The following MTPN variants were observed in gnomAD, a reference collection of about 807,000 sequenced individuals.
The protein encoded by MTPN is myotrophin.
MTPN carries 2 observed loss-of-function variants against 13.5 expected under a neutral mutation model. The ratio of observed to expected loss-of-function variants is 0.15; its 90% confidence interval spans 0.06 to 0.47. The LOEUF (loss-of-function observed/expected upper bound fraction) is 0.47, where lower values mean the gene tolerates loss of function less well. MTPN is among the 20% of genes least tolerant of loss of function. The pLI is 0.97. For synonymous variants in MTPN, 46 were observed against 51.7 expected (o/e 0.89, Z 0.48); for missense variants, 79 against 137.9 (o/e 0.57, Z 2.14).
chr7:135,957,568 GAGGAGA>G (rs1562934226), intron 1 of MTPN, among the ~76,000 whole-genome samples: 1 of 152,132 alleles, frequency 6.6e-6, no homozygotes, highest in East Asian at 1.9e-4. Context: ...TTCCATGTCA[GAGGAGA>G]ACCTAATTAT....
In MTPN at chr7:135,929,773, TGGTAGTCGGA is replaced by T; in HGVS notation, c.*143_*152del. 2.8e-6 allele frequency: 2 copies of T among 723,550 alleles called. No homozygotes were observed. Among genetic ancestry groups the T allele is most frequent in the South Asian group, 1.9e-5 (1 of 53,884 alleles). 44.8% of individuals were successfully genotyped at this position (723,550 alleles called of 1,614,324 possible). The stretch of plus-strand genomic sequence containing the variant: ...CTCCTCCAAAACAATTTTTTTTTTC[TGGTAGTCGGA>T]TTTGTTATGAATTTCTCTCTCCCCT... On this transcript the variant is annotated 3_prime_UTR_variant, in exon 4 of 4. Coordinates refer to ENST00000393085, the MANE Select transcript of MTPN (RefSeq NM_145808.4).
In MTPN at chr7:135,929,870, A is replaced by G. The variant is rs563407495; in HGVS notation, c.*56T>C. The G allele has an allele frequency of 1.3e-6, 2 of 1,509,468 alleles. No homozygotes were observed. The highest frequency in any genetic ancestry group is 4.5e-5 in the East Asian group (2 of 44,368). 93.5% of individuals were successfully genotyped at this position (1,509,468 alleles called of 1,614,324 possible). On this transcript the variant is annotated 3_prime_UTR_variant, in exon 4 of 4. Transcript: ENST00000393085. ...GATAGAGAGTGACAGACAGACAGGC[A>G]GCAGTGTGAGGCCACAGGAGAGTCA...
At chr7:135,935,494 C>T (rs1025972493) in intron 3 of MTPN, among the ~76,000 whole-genome samples, 1 of 152,162 alleles carries the variant, frequency 6.6e-6, no homozygotes, top group Admixed American at 6.6e-5. Flanking sequence ...CCCACCTTAG[C>T]GTCCCAAAAT....
At chr7:135,935,972 C>T (rs924705222) in intron 3 of MTPN, among the ~76,000 whole-genome samples, 2 of 151,614 alleles carry the variant, frequency 1.3e-5, no homozygotes, top group African/African-American at 4.9e-5. Flanking sequence ...ACACACTATC[C>T]CCTTAACTTC....
intron 3 of MTPN, among the ~76,000 whole-genome samples, chr7:135,937,126 G>C (rs1392370964): frequency 2.0e-5 from 3 of 152,044 alleles, no homozygotes; most frequent in Non-Finnish European, 4.4e-5. Flanking sequence ...TGTAAAAATA[G>C]GCCAAGAAAA....
intron 3 of MTPN, 84 bp downstream of exon 3, chr7:135,950,515 C>A: frequency 8.8e-7 from 1 of 1,138,342 alleles, no homozygotes; most frequent in Non-Finnish European, 1.3e-6. Context: ...CCTGCTGCCA[C>A]ACAAAATTCA....
Position 135,927,268 on chromosome 7 carries a change from C to G in MTPN, c.*2658G>C. ...CCTACTACCTCTCTTCCATGCTTAA[C>G]TGGGTTTAGAAAGGTGAGCTATGCG... On this transcript the variant is annotated 3_prime_UTR_variant, in exon 4 of 4. Coordinates refer to ENST00000393085, the MANE Select transcript of MTPN (RefSeq NM_145808.4). 1.3e-6 allele frequency: 2 copies of G among 1,537,754 alleles called. No homozygotes were observed. Among genetic ancestry groups the G allele is most frequent in the Non-Finnish European group, 1.8e-6 (2 of 1,140,164 alleles).
chr7:135,934,338 A>G (rs1386919873), intron 3 of MTPN, among the ~76,000 whole-genome samples: 1 of 152,146 alleles, frequency 6.6e-6, no homozygotes, highest in Non-Finnish European at 1.5e-5. Flanking sequence ...TTGATCTCCC[A>G]TGGGTACACT....
At chr7:135,966,361 A>G (rs1441649139) in intron 1 of MTPN, among the ~76,000 whole-genome samples, 4 of 152,054 alleles carry the variant, frequency 2.6e-5, no homozygotes. Context: ...AGTACCAGTT[A>G]TTTACCCTCA....
At chr7:135,966,209 C>T (rs1253458781) in intron 1 of MTPN, among the ~76,000 whole-genome samples, 1 of 152,106 alleles carries the variant, frequency 6.6e-6, no homozygotes, top group South Asian at 2.1e-4. Context: ...TGTTCCTCTA[C>T]TTATGATTGG....
chr7:135,959,441 G>A (rs1000770163), intron 1 of MTPN, among the ~76,000 whole-genome samples: 7 of 152,226 alleles, frequency 4.6e-5, no homozygotes, highest in African/African-American at 1.4e-4. Context: ...CATTCCCTAT[G>A]CCTGGCTTTG....
In MTPN at chr7:135,929,902, C is replaced by T. The variant is rs1311582686; in HGVS notation, c.*24G>A. ...TGAGGCCACAGGAGAGTCATTCTTC[C>T]GGAGTTATCAGTCCATCCATCCATC... On this transcript the variant is annotated 3_prime_UTR_variant, in exon 4 of 4. Transcript: ENST00000393085. 1.1e-5 allele frequency: 17 copies of T among 1,610,502 alleles called. No individual in the cohort carries two copies. Among genetic ancestry groups the T allele is most frequent in the East Asian group, 4.5e-5 (2 of 44,864 alleles).
At chr7:135,968,321 A>C (rs1584820659) in intron 1 of MTPN, among the ~76,000 whole-genome samples, 2 of 152,160 alleles carry the variant, frequency 1.3e-5, no homozygotes, top group Admixed American at 1.3e-4. Flanking sequence ...GGCCTCTGAA[A>C]CTTTAAGGTA....
At chr7:135,952,754 G>T (rs1799382622) in intron 1 of MTPN, among the ~76,000 whole-genome samples, 1 of 152,122 alleles carries the variant, frequency 6.6e-6, no homozygotes, top group African/African-American at 2.4e-5. Context: ...TTGAGCCTAG[G>T]AGTTCAAGAC....
At chr7:135,971,715 A>T (rs541344038) in intron 1 of MTPN, among the ~76,000 whole-genome samples, 1 of 152,348 alleles carries the variant, frequency 6.6e-6, no homozygotes, top group Admixed American at 6.5e-5. Context: ...ACTGCATCAC[A>T]ATCCTCAAAT....
intron 3 of MTPN, among the ~76,000 whole-genome samples, chr7:135,943,864 A>G (rs1799248678): frequency 6.6e-6 from 1 of 152,250 alleles, no homozygotes; most frequent in Non-Finnish European, 1.5e-5. Context: ...AAATATCACT[A>G]GTAACAAAAT....
chr7:135,957,746 T>G (rs1200131268), intron 1 of MTPN, among the ~76,000 whole-genome samples: 2 of 152,180 alleles, frequency 1.3e-5, no homozygotes, highest in East Asian at 3.9e-4. Context: ...ATGTTCTCAC[T>G]GGGTGTGAGA....
At position 135,929,771 on chromosome 7, in the gene MTPN, TCTGGTAGTCGGA is replaced by T; in HGVS notation, c.*143_*154del. The T allele has an allele frequency of 1.4e-6, 1 of 716,406 alleles. No individual in the cohort carries two copies. The allele number at this position is 716,406 out of a possible 1,614,324, so 44.4% of individuals were successfully genotyped here. On this transcript the variant is annotated 3_prime_UTR_variant, in exon 4 of 4. Transcript: ENST00000393085. ...CCCTCCTCCAAAACAATTTTTTTTT[TCTGGTAGTCGGA>T]TTTGTTATGAATTTCTCTCTCCCCT...
At position 135,977,317 on chromosome 7, in the gene MTPN, A is replaced by G. The variant is rs975065127; in HGVS notation, c.-217T>C. On this transcript the variant is annotated 5_prime_UTR_variant, in exon 1 of 4. Transcript: ENST00000393085. ...CTTTTGCGGCCACCGGGCCCAGCAGAGAGGTTCCGCCTGGCCGAGGAGAGG... is the reference window on the plus strand; with the variant it reads ...CTTTTGCGGCCACCGGGCCCAGCAGGGAGGTTCCGCCTGGCCGAGGAGAGG... 1 of 592,360 alleles carries G rather than the reference A, an allele frequency of 1.7e-6. No individual in the cohort carries two copies. Among genetic ancestry groups the G allele is most frequent in the African/African-American group, 1.9e-5 (1 of 53,562 alleles). The allele number at this position is 592,360 out of a possible 1,614,324, so 36.7% of individuals were successfully genotyped here.
Sources: allele counts gnomAD v4.1 joint callset (sites outside exome capture counted in the v4.1 genomes callset), GRCh38; gene constraint gnomAD v4.1.1; transcripts MANE v1.5; gene names NCBI Gene and HGNC (gene_info 2026-07-23, HGNC 2026-07-21).